Variants in SDK1 observed in about 807,000 individuals in gnomAD.
The protein encoded by SDK1 is sidekick cell adhesion molecule 1.
In SDK1, 157 loss-of-function variants were observed where a neutral mutation model predicts 245.5. The ratio of observed to expected loss-of-function variants is 0.64; its 90% CI spans 0.56 to 0.73. SDK1 has a LOEUF of 0.73. Ranked by LOEUF, SDK1 falls within the 30% of genes least tolerant of loss-of-function variation. The pLI is 0.00. For missense variants in SDK1, 3,583 were observed against 3,002.3 expected (o/e 1.19, Z -4.52); for synonymous variants, 1,647 against 1,278.5 (o/e 1.29, Z -6.15).
intron 38 of SDK1, among the ~76,000 whole-genome samples, chr7:4,215,151 C>A (rs1562442941): frequency 6.6e-6 from 1 of 152,220 alleles, no homozygotes; most frequent in Non-Finnish European, 1.5e-5. Context: ...AAGCCACATC[C>A]CGTACCCACA....
chr7:3,493,060 C>G (rs180768949), intron 1 of SDK1, among the ~76,000 whole-genome samples: 2 of 152,324 alleles, frequency 1.3e-5, no homozygotes, highest in East Asian at 3.9e-4. Context: ...ACACCATTCT[C>G]CTGCCTCAGC....
At chr7:3,907,123 A>G (rs1009206993) in intron 5 of SDK1, among the ~76,000 whole-genome samples, 4 of 148,578 alleles carry the variant, frequency 2.7e-5, no homozygotes, top group African/African-American at 5.1e-5. Context: ...CTCTTTTTTT[A>G]TTATGAAGAT....
chr7:3,658,544 CA>C (rs1375384531), intron 4 of SDK1, among the ~76,000 whole-genome samples: 1 of 150,166 alleles, frequency 6.7e-6, no homozygotes. Flanking sequence ...CACATTTTCA[CA>C]AAAGCACCTA....
intron 2 of SDK1, among the ~76,000 whole-genome samples, chr7:3,627,772 C>T (rs1355204924): frequency 2.6e-5 from 4 of 152,192 alleles, no homozygotes; most frequent in Non-Finnish European, 4.4e-5. Flanking sequence ...ACAGTTGAGT[C>T]ATCCTCTTCA....
chr7:3,859,109 G>T lies in SDK1; in HGVS notation c.847+37526G>T, dbSNP rs186140684. 4.4e-3 allele frequency among the ~76,000 whole-genome samples: 676 copies of T among 152,086 alleles called. 7 individuals are homozygous for T. The highest frequency in any genetic ancestry group is 0.015 in the African/African-American group (635 of 41,494). ...GAACTCCTGACCTCGTGATCCGCCC[G>T]CCTCGGCCTCCCAAAGTGCTGGGAT... On this transcript the variant is annotated intron_variant, in intron 5 of 44. Coordinates refer to ENST00000404826, the MANE Select transcript of SDK1 (RefSeq NM_152744.4).
intron 5 of SDK1, among the ~76,000 whole-genome samples, chr7:3,847,228 T>G (rs1318038416): frequency 6.6e-6 from 1 of 152,120 alleles, no homozygotes; most frequent in Non-Finnish European, 1.5e-5. Flanking sequence ...AGATGCCCCA[T>G]GGACTCCTCG....
intron 4 of SDK1, among the ~76,000 whole-genome samples, chr7:3,666,560 C>T (rs918581027): frequency 3.9e-5 from 6 of 152,102 alleles, no homozygotes; most frequent in African/African-American, 7.2e-5. Flanking sequence ...TCTTGTCTGC[C>T]GTGTGCTGCC....
chr7:3,974,064 G>A (rs1782692082), intron 12 of SDK1, among the ~76,000 whole-genome samples: 1 of 150,944 alleles, frequency 6.6e-6, no homozygotes, highest in African/African-American at 2.4e-5. Flanking sequence ...TACATCTGTG[G>A]TCCCAGCTAC....
In SDK1 at chr7:3,781,729, T is replaced by TA. The variant is rs932301782; in HGVS notation, c.714-39712dup. 9.5e-4 allele frequency among the ~76,000 whole-genome samples: 141 copies of TA among 148,884 alleles called. 1 individual carries two copies. The highest frequency in any genetic ancestry group is 3.5e-3 in the Middle Eastern group (1 of 286). On this transcript the variant is annotated intron_variant, in intron 4 of 44. Transcript: ENST00000404826. ...GAAATTTGACCAAAAATAGAAACAA[T>TA]AAAAAAAAACAAATCTTAGAGATGA...
chr7:3,403,866 T>TATATATATATATAA (rs1562466232), intron 1 of SDK1, among the ~76,000 whole-genome samples: 3 of 115,696 alleles, frequency 2.6e-5, no homozygotes, highest in Admixed American at 9.0e-5. Context: ...TATATATATA[T>TATATATATATATAA]ATAATATATA....
At chr7:3,441,265 A>G (rs1996824) in intron 1 of SDK1, among the ~76,000 whole-genome samples, 84,020 of 151,912 alleles carry the variant, frequency 0.55, 23,335 homozygotes, top group South Asian at 0.59. Context: ...ATAGGAAAAA[A>G]CAGTATATAT....
rs1027852785 is a variant in SDK1, at chr7:3,902,430, T to A, written c.848-48493T>A. 1.9e-4 allele frequency among the ~76,000 whole-genome samples: 29 copies of A among 152,194 alleles called. 1 individual carries two copies. The highest frequency in any genetic ancestry group is 7.3e-5 in the Non-Finnish European group (5 of 68,042). On this transcript the variant is annotated intron_variant, in intron 5 of 44. Transcript: ENST00000404826. ...ACCGATACTACTGCTCACTACAAAT[T>A]CAGTAAGAGAGATTTAATATTTCCT...
At chr7:3,730,018 G>C (rs1008625863) in intron 4 of SDK1, among the ~76,000 whole-genome samples, 3 of 152,046 alleles carry the variant, frequency 2.0e-5, no homozygotes, top group African/African-American at 7.3e-5. Context: ...ATGTGTGTGA[G>C]AGACCCATTA....
chr7:3,887,273 A>T (rs1348991299), intron 5 of SDK1, among the ~76,000 whole-genome samples: 1 of 152,122 alleles, frequency 6.6e-6, no homozygotes, highest in Non-Finnish European at 1.5e-5. Context: ...CCTTTCACTA[A>T]TTCACTCCAG....
At chr7:3,606,113 T>C (rs765904567) in intron 1 of SDK1, among the ~76,000 whole-genome samples, 10 of 152,230 alleles carry the variant, frequency 6.6e-5, no homozygotes, top group Non-Finnish European at 1.5e-4. Flanking sequence ...CACTGAGCTC[T>C]TGTTCTTTTC....
In SDK1 at chr7:4,218,007, C is replaced by T. The variant is rs186822809; in HGVS notation, c.5540-2102C>T. Among the ~76,000 whole-genome samples the T allele has an allele frequency of 2.4e-3, 367 of 152,294 alleles. 2 individuals carry two copies. Among genetic ancestry groups the T allele is most frequent in the Non-Finnish European group, 3.1e-3 (210 of 68,024 alleles). On this transcript the variant is annotated intron_variant, in intron 38 of 44. Coordinates refer to ENST00000404826, the MANE Select transcript of SDK1 (RefSeq NM_152744.4). Reference sequence around the variant, plus strand: ...GTGTTGATGACAGTCACTATGTGCACAAACTGCCATCCTCATCACCTCTCT... The same window carrying T: ...GTGTTGATGACAGTCACTATGTGCATAAACTGCCATCCTCATCACCTCTCT...
intron 17 of SDK1, among the ~76,000 whole-genome samples, chr7:4,046,052 C>G (rs1050270217): frequency 2.0e-5 from 3 of 152,062 alleles, no homozygotes; most frequent in Admixed American, 6.5e-5. Context: ...CCTCAGCCTC[C>G]CGAGTAGCAG....
chr7:3,420,713 T>C (rs529008810), intron 1 of SDK1, among the ~76,000 whole-genome samples: 2 of 152,360 alleles, frequency 1.3e-5, no homozygotes, highest in East Asian at 3.9e-4. Context: ...ATAATGAGAA[T>C]CTTTATGGAA....
chr7:3,311,286 TGGTC>T (rs1016449631), intron 1 of SDK1, among the ~76,000 whole-genome samples: 9 of 152,114 alleles, frequency 5.9e-5, no homozygotes, highest in African/African-American at 2.2e-4. Flanking sequence ...AAAAATGGAA[TGGTC>T]AGTCTTGCTT....
Sources: gnomAD v4.1 joint callset for allele counts (sites outside exome capture counted in the v4.1 genomes callset) on GRCh38, gnomAD v4.1.1 for gene constraint, MANE v1.5 for transcripts, NCBI Gene and HGNC (gene_info 2026-07-23, HGNC 2026-07-21) for gene names.